Variants in TRIM11 observed in about 807,000 individuals in gnomAD.
The protein encoded by TRIM11 is tripartite motif containing 11.
A neutral mutation model predicts 33.4 loss-of-function variants in TRIM11; 15 were observed. The observed-to-expected ratio is 0.45, with a 90% CI of 0.30 to 0.69. The LOEUF is 0.69. Among genes scored for constraint, TRIM11 ranks in the 30% least tolerant of loss-of-function variants. TRIM11 has a pLI of 0.08. For synonymous variants in TRIM11, 281 were observed against 302.6 expected (o/e 0.93, Z 0.74); for missense variants, 499 against 667.6 (o/e 0.75, Z 2.78).
In TRIM11 at chr1:228,400,207, G is replaced by A. The variant is rs563902982; in HGVS notation, c.735+757C>T. Among the ~76,000 whole-genome samples, 4 of 152,380 alleles carry A rather than the reference G, an allele frequency of 2.6e-5. No individual in the cohort carries two copies. Among genetic ancestry groups the A allele is most frequent in the East Asian group, 1.9e-4 (1 of 5,192 alleles). ...CTACACCATGCTGGGCATGGAACAC[G>A]TTCTCCATTTTGTGGGAAAAACATC... is the stretch of plus-strand genomic sequence containing the variant. On this transcript the variant is annotated intron_variant, in intron 3 of 5. Transcript: ENST00000284551. This position sits in a 1 kb window ranked among gnomAD's most constrained non-coding sequence, Gnocchi z 4.5.
rs1656298024 is a variant in TRIM11 at position 228,403,383 on chromosome 1, CTCACTTTAGT to C, written c.409-1232_409-1223del. ...CAGCCCAGCTGCCTGGCTCCAGGTG[CTCACTTTAGT>C]TCACCACTTGGCCTCACGATTCGGG... On this transcript the variant is annotated intron_variant, in intron 1 of 5. Transcript: ENST00000284551. This position sits in a 1 kb window ranked among gnomAD's most constrained non-coding sequence, Gnocchi z 4.8. 6.6e-6 allele frequency: 1 copy of C among 152,084 alleles called. No individual in the cohort carries two copies. Among genetic ancestry groups the C allele is most frequent in the Non-Finnish European group, 1.5e-5 (1 of 68,092 alleles). The allele number at this position is 152,084 out of a possible 1,614,324, so 9.4% of individuals were successfully genotyped here.
intron 1 of TRIM11, chr1:228,404,773 T>C (rs1656344061): frequency 1.3e-5 from 2 of 152,258 alleles, no homozygotes; most frequent in African/African-American, 4.8e-5. Flanking sequence ...TTTCCCACAA[T>C]TTATCAGTCC....
chr1:228,405,804 A>C, intron 1 of TRIM11: 1 of 241,204 alleles, frequency 4.1e-6, no homozygotes. Flanking sequence ...CTTGCTGGCC[A>C]GGGTATGGCC....
Position 228,406,080 on chromosome 1 carries a change from A to ACAACC in TRIM11, c.408+73_408+74insGGTTG. 1 of 1,278,040 alleles carries ACAACC rather than the reference A, an allele frequency of 7.8e-7. No individual in the cohort carries two copies. The highest frequency in any genetic ancestry group is 1.0e-6 in the Non-Finnish European group (1 of 998,948). The allele number at this position is 1,278,040 out of a possible 1,614,324, so 79.2% of individuals were successfully genotyped here. On this transcript the variant is annotated intron_variant, in intron 1 of 5. Coordinates refer to ENST00000284551, the MANE Select transcript of TRIM11 (RefSeq NM_145214.3). The surrounding 1 kb of genome is among the most constrained non-coding windows in gnomAD (Gnocchi z 8.2). ...GATTACTCCCGGAGCAGTCCCCCAA[A>ACAACC]CCTCCCACCCGCCCAGGCCTCCCCA...
intron 1 of TRIM11, chr1:228,405,113 T>C (rs1014751499): frequency 1.3e-5 from 2 of 152,294 alleles, no homozygotes; most frequent in Non-Finnish European, 2.9e-5. Flanking sequence ...GTAATTCTGC[T>C]GGGCTAACAT....
Position 228,401,064 on chromosome 1 carries a change from C to A in TRIM11, c.635G>T (p.Arg212Leu). 1 of 1,612,898 alleles carries A rather than the reference C, an allele frequency of 6.2e-7. No homozygotes were observed. The highest frequency in any genetic ancestry group is 8.5e-7 in the Non-Finnish European group (1 of 1,179,718). Reference protein sequence around the residue: ...EEELEVLPRLREGAAHLGQQS... With the variant: ...EEELEVLPRLLEGAAHLGQQS... ...CTGGCCTAGGTGGGCTGCGCCCTCC[C>A]GCAGCCGGGGCAGCACCTCCAGCTC... Residue 212 changes from arginine to leucine, a missense_variant, in exon 3 of 6, where the codon CGG becomes CTG. Coordinates refer to ENST00000284551, the MANE Select transcript of TRIM11 (RefSeq NM_145214.3). This position sits in a 1 kb window ranked among gnomAD's most constrained non-coding sequence, Gnocchi z 6.1.
Position 228,406,593 on chromosome 1 carries a change from T to C in TRIM11, c.-32A>G, listed in dbSNP as rs766089849. On this transcript the variant is annotated 5_prime_UTR_variant, in exon 1 of 6. Transcript: ENST00000284551. This position sits in a 1 kb window ranked among gnomAD's most constrained non-coding sequence, Gnocchi z 8.2. ...GACAGAGGGGAGGAAGGCGGTACTGTCCGCGGGGCGGCGGCGGGCGGCCTC... is the reference window on the plus strand; with the variant it reads ...GACAGAGGGGAGGAAGGCGGTACTGCCCGCGGGGCGGCGGCGGGCGGCCTC... 1.4e-6 allele frequency: 2 copies of C among 1,410,488 alleles called. No homozygotes were observed. The highest frequency in any genetic ancestry group is 1.8e-6 in the Non-Finnish European group (2 of 1,081,334). 87.4% of individuals were successfully genotyped at this position (1,410,488 alleles called of 1,614,324 possible).
At position 228,401,269 on chromosome 1, in the gene TRIM11, A is replaced by G; in HGVS notation, c.505-75T>C. 1 of 1,524,456 alleles carries G rather than the reference A, an allele frequency of 6.6e-7. No individual in the cohort carries two copies. The highest frequency in any genetic ancestry group is 8.8e-7 in the Non-Finnish European group (1 of 1,130,710). The allele number at this position is 1,524,456 out of a possible 1,614,324, so 94.4% of individuals were successfully genotyped here. On this transcript the variant is annotated intron_variant, in intron 2 of 5. Coordinates refer to ENST00000284551, the MANE Select transcript of TRIM11 (RefSeq NM_145214.3). This position sits in a 1 kb window ranked among gnomAD's most constrained non-coding sequence, Gnocchi z 6.1. ...CAGACCCCAAGTTTGGTCAGACCCCAAGCCCACCCAGAGGCCTGGCTGCAC... is the reference window on the plus strand; with the variant it reads ...CAGACCCCAAGTTTGGTCAGACCCCGAGCCCACCCAGAGGCCTGGCTGCAC...
chr1:228,399,885 A>AAC (rs1656113431), intron 3 of TRIM11, among the ~76,000 whole-genome samples: 1 of 141,086 alleles, frequency 7.1e-6, no homozygotes, highest in African/African-American at 3.1e-5. Flanking sequence ...TCTACAAAAA[A>AAC]AAAAACAAAA....
Position 228,402,064 on chromosome 1 carries a change from G to A in TRIM11, c.504+2C>T. 4 of 1,610,226 alleles carry A rather than the reference G, an allele frequency of 2.5e-6. No individual in the cohort carries two copies. Among genetic ancestry groups the A allele is most frequent in the Non-Finnish European group, 3.4e-6 (4 of 1,177,988 alleles). ...CAGGACCCTGGGAGCCCCAGCACCT[G>A]CCTGCCACAAGACGCAGGTCTCATC... On this transcript the variant is annotated splice_donor_variant, in intron 2 of 5. Transcript: ENST00000284551. LOFTEE classifies it low-confidence loss of function (GC_TO_GT_DONOR).
At position 228,406,536 on chromosome 1, in the gene TRIM11, T is replaced by C; in HGVS notation, c.26A>G (p.Asn9Ser). MAAPDLSTNLQEEATCAIC... is the reference protein window; with the variant it reads MAAPDLSTSLQEEATCAIC... ...GGCGCAGGTGGCCTCCTCCTGGAGG[T>C]TGGTGGACAGGTCGGGGGCGGCCAT... The change falls in exon 1 of 6, where the codon AAC (asparagine) becomes AGC (serine). Residue 9 changes from asparagine (N) to serine (S), a missense_variant. Coordinates refer to ENST00000284551, the MANE Select transcript of TRIM11 (RefSeq NM_145214.3). This position sits in a 1 kb window ranked among gnomAD's most constrained non-coding sequence, Gnocchi z 8.2. The C allele has an allele frequency of 1.3e-6, 2 of 1,563,742 alleles. No homozygotes were observed. The highest frequency in any genetic ancestry group is 1.7e-6 in the Non-Finnish European group (2 of 1,154,206).
Position 228,401,113 on chromosome 1 carries a change from G to C in TRIM11, c.586C>G (p.Leu196Val). Residue 196 changes from leucine to valine, a missense_variant, in exon 3 of 6, where the codon CTG (leucine) becomes GTG (valine). By Grantham distance (32) the Leu-to-Val change is conservative. Coordinates refer to ENST00000284551, the MANE Select transcript of TRIM11 (RefSeq NM_145214.3). This position sits in a 1 kb window ranked among gnomAD's most constrained non-coding sequence, Gnocchi z 6.1. ...RRLLAEEEQQLLQRLEEEELE... is the reference protein window; with the variant it reads ...RRLLAEEEQQVLQRLEEEELE... ...TCCTCCTCCTCCAGCCTCTGCAGCA[G>C]CTGCTGCTCCTCCTCTGCCAGCAAA... 1 of 1,613,602 alleles carries C rather than the reference G, an allele frequency of 6.2e-7. No homozygotes were observed. The highest frequency in any genetic ancestry group is 8.5e-7 in the Non-Finnish European group (1 of 1,179,928).
Position 228,401,816 on chromosome 1 carries a change from AC to A in TRIM11, c.504+249del, listed in dbSNP as rs1656236339. ...ACCCTAAATACACCTGAGAGTTGCC[AC>A]CCAAGCATGCTGGGACCCCAGGATG... On this transcript the variant is annotated intron_variant, in intron 2 of 5. Transcript: ENST00000284551. This position sits in a 1 kb window ranked among gnomAD's most constrained non-coding sequence, Gnocchi z 6.1. Among the ~76,000 whole-genome samples the A allele has an allele frequency of 6.6e-6, 1 of 152,178 alleles. No homozygotes were observed. The highest frequency in any genetic ancestry group is 1.9e-4 in the East Asian group (1 of 5,166).
Position 228,406,083 on chromosome 1 carries a change from T to TGCCCCC in TRIM11, c.408+70_408+71insGGGGGC. On this transcript the variant is annotated intron_variant, in intron 1 of 5. Coordinates refer to ENST00000284551, the MANE Select transcript of TRIM11 (RefSeq NM_145214.3). The surrounding 1 kb of genome is among the most constrained non-coding windows in gnomAD (Gnocchi z 8.2). ...TACTCCCGGAGCAGTCCCCCAAACCTCCCACCCGCCCAGGCCTCCCCAGTC... is the reference window on the plus strand; with the variant it reads ...TACTCCCGGAGCAGTCCCCCAAACCTGCCCCCCCCACCCGCCCAGGCCTCCCCAGTC... 5.4e-6 allele frequency: 5 copies of TGCCCCC among 917,878 alleles called. No homozygotes were observed. Among genetic ancestry groups the TGCCCCC allele is most frequent in the Non-Finnish European group, 7.3e-6 (5 of 683,104 alleles). The allele number at this position is 917,878 out of a possible 1,614,324, so 56.9% of individuals were successfully genotyped here. A position where few individuals can be genotyped will look rare whatever the true frequency, so the allele number is the denominator to read the frequency against.
chr1:228,401,015 G>A lies in TRIM11; in HGVS notation c.684C>T (p.Leu228=). 1 of 1,606,664 alleles carries A rather than the reference G, an allele frequency of 6.2e-7. No individual in the cohort carries two copies. The highest frequency in any genetic ancestry group is 2.2e-5 in the East Asian group (1 of 44,564). Residue 228 remains leucine (L), a synonymous_variant, in exon 3 of 6, where the codon CTC becomes CTT. Coordinates refer to ENST00000284551, the MANE Select transcript of TRIM11 (RefSeq NM_145214.3). The surrounding 1 kb of genome is among the most constrained non-coding windows in gnomAD (Gnocchi z 6.1). The part of the protein sequence containing the change: ...LGQQSAHLAE[L]IAELEGRCQL... ...GGCAGCGGCCCTCGAGCTCGGCGAT[G>A]AGCTCAGCTAGGTGGGCGCTCTGCT...
rs1369468169 is a variant in TRIM11 at position 228,406,159 on chromosome 1, G to A, written c.403C>T (p.Leu135Phe). Residue 135 changes from leucine to phenylalanine, a missense_variant, in exon 1 of 6, where the codon CTC becomes TTC. Coordinates refer to ENST00000284551, the MANE Select transcript of TRIM11 (RefSeq NM_145214.3). The surrounding 1 kb of genome is among the most constrained non-coding windows in gnomAD (Gnocchi z 8.2). ...CCACCCCCGCCCAGGAGCACCTTGA[G>A]GTCTTCGGCCGCGTCCTGCAGCGGC... Reference protein sequence around the residue: ...VRPLQDAAEDLKAKLEKSLEH... With the variant: ...VRPLQDAAEDFKAKLEKSLEH... The A allele has an allele frequency of 3.6e-6, 5 of 1,400,472 alleles. No homozygotes were observed. Among genetic ancestry groups the A allele is most frequent in the Non-Finnish European group, 4.6e-6 (5 of 1,085,098 alleles). 86.8% of individuals were successfully genotyped at this position (1,400,472 alleles called of 1,614,324 possible). A position where few individuals can be genotyped will look rare whatever the true frequency, so the allele number is the denominator to read the frequency against.
In TRIM11 at chr1:228,395,311, C is replaced by A. The variant is rs887657190; in HGVS notation, c.860-59G>T. On this transcript the variant is annotated intron_variant, in intron 5 of 5. Transcript: ENST00000284551. This position sits in a 1 kb window ranked among gnomAD's most constrained non-coding sequence, Gnocchi z 4.8. ...GCCACAGGCAAGCTGGGGCCATCTG[C>A]CCATGTCCTGGGCATGTAGGTACAA... is the stretch of plus-strand genomic sequence containing the variant. The A allele has an allele frequency of 2.1e-6, 3 of 1,403,922 alleles. No homozygotes were observed. The highest frequency in any genetic ancestry group is 2.8e-6 in the Non-Finnish European group (3 of 1,082,184). The allele number at this position is 1,403,922 out of a possible 1,614,324, so 87.0% of individuals were successfully genotyped here. A position where few individuals can be genotyped will look rare whatever the true frequency, so the allele number is the denominator to read the frequency against.
rs2074975584 is a variant in TRIM11 at position 228,395,377 on chromosome 1, T to C, written c.860-125A>G. 3 of 1,031,690 alleles carry C rather than the reference T, an allele frequency of 2.9e-6. No individual in the cohort carries two copies. The highest frequency in any genetic ancestry group is 2.6e-6 in the Non-Finnish European group (2 of 779,460). 63.9% of individuals were successfully genotyped at this position (1,031,690 alleles called of 1,614,324 possible). ...GGCCTGGCTCTCTGCCCTGGGCCTG[T>C]AGCCTCACAACCTCCTGGAGTAACT... On this transcript the variant is annotated intron_variant, in intron 5 of 5. Transcript: ENST00000284551. The surrounding 1 kb of genome is among the most constrained non-coding windows in gnomAD (Gnocchi z 4.8).
chr1:228,394,693 G>C lies in TRIM11; in HGVS notation c.*12C>G, dbSNP rs904175017. The C allele has an allele frequency of 1.3e-6, 2 of 1,583,436 alleles. No individual in the cohort carries two copies. The highest frequency in any genetic ancestry group is 1.7e-5 in the Admixed American group (1 of 57,514). On this transcript the variant is annotated 3_prime_UTR_variant, in exon 6 of 6. Transcript: ENST00000284551. This position sits in a 1 kb window ranked among gnomAD's most constrained non-coding sequence, Gnocchi z 6.2. ...CAGGAGAGGCAACAGGACTCCTCCA[G>C]GAGGGCCCGAGTCACTGGGGAGCCA...
Sources: gnomAD v4.1 joint callset for allele counts (sites outside exome capture counted in the v4.1 genomes callset) on GRCh38, gnomAD v4.1.1 for gene constraint, Gnocchi (gnomAD v3.1) non-coding constraint, MANE v1.5 for transcripts, NCBI Gene and HGNC (gene_info 2026-07-23, HGNC 2026-07-21) for gene names.